Variants in TGFBR2 observed in about 807,000 individuals in gnomAD.
TGFBR2 encodes TGF-beta receptor type-2.
In TGFBR2, 18 loss-of-function variants were observed where a neutral mutation model predicts 49.0. The ratio of observed to expected loss-of-function variants is 0.37; its 90% CI spans 0.25 to 0.54. The LOEUF (loss-of-function observed/expected upper bound fraction) is 0.54. Ranked by LOEUF, TGFBR2 falls within the 20% of genes least tolerant of loss-of-function variation. The probability of loss-of-function intolerance (pLI) is 0.85; values close to 1 mark genes in which losing one functional copy is unlikely to be tolerated. For synonymous variants in TGFBR2, 282 were observed against 275.9 expected (o/e 1.02, Z -0.22); for missense variants, 525 against 722.6 (o/e 0.73, Z 3.13).
chr3:30,632,474 TG>T (rs2125393153), intron 1 of TGFBR2, among the ~76,000 whole-genome samples: 1 of 152,332 alleles, frequency 6.6e-6, no homozygotes, highest in South Asian at 2.1e-4. Context: ...TTGATTCCAT[TG>T]TATATTTGAA....
At chr3:30,665,709 C>T (rs1699231240) in intron 3 of TGFBR2, among the ~76,000 whole-genome samples, 1 of 152,182 alleles carries the variant, frequency 6.6e-6, no homozygotes, top group Admixed American at 6.5e-5. Context: ...TCTAGCAAGT[C>T]CTGGAAAAGA....
chr3:30,688,706 G>A (rs568715451), intron 6 of TGFBR2, among the ~76,000 whole-genome samples, 195 bp downstream of exon 6: 83 of 152,318 alleles, frequency 5.4e-4, no homozygotes, highest in African/African-American at 1.9e-3. Flanking sequence ...CAGCTGATAT[G>A]TACTCTGAGA....
chr3:30,666,751 C>T (rs1187273807), intron 3 of TGFBR2, among the ~76,000 whole-genome samples: 1 of 151,612 alleles, frequency 6.6e-6, no homozygotes, highest in Non-Finnish European at 1.5e-5. Flanking sequence ...AGTAATCCTC[C>T]TGCCTCAGCC....
chr3:30,611,026 GA>G (rs1180867778), intron 1 of TGFBR2, among the ~76,000 whole-genome samples: 2 of 152,182 alleles, frequency 1.3e-5, no homozygotes, highest in Non-Finnish European at 2.9e-5. Flanking sequence ...AACCTGCTTT[GA>G]ATGTCCCAGT....
At chr3:30,652,229 G>GTTT (rs1204611735) in intron 3 of TGFBR2, among the ~76,000 whole-genome samples, 6 of 81,860 alleles carry the variant, frequency 7.3e-5, no homozygotes, top group Admixed American at 3.3e-4. Context: ...TTCTTTTCTG[G>GTTT]TTGTTTTTTT....
intron 2 of TGFBR2, among the ~76,000 whole-genome samples, chr3:30,649,391 T>G (rs1018146102): frequency 8.5e-5 from 13 of 152,154 alleles, no homozygotes; most frequent in Non-Finnish European, 1.8e-4. Flanking sequence ...ATCATGTTGT[T>G]TAAAAATCTA....
At chr3:30,642,347 T>A (rs957169384) in intron 1 of TGFBR2, among the ~76,000 whole-genome samples, 3 of 152,196 alleles carry the variant, frequency 2.0e-5, no homozygotes, top group Non-Finnish European at 4.4e-5. Flanking sequence ...CTGTTTATTG[T>A]GTTTTTTCCA....
In TGFBR2 at chr3:30,644,774, A is replaced by G; in HGVS notation, c.122A>G (p.Asn41Ser). 6.2e-7 allele frequency: 1 copy of G among 1,614,174 alleles called. No homozygotes were observed. The highest frequency in any genetic ancestry group is 8.5e-7 in the Non-Finnish European group (1 of 1,180,004). ...AATAACGACATGATAGTCACTGACA[A>G]CAACGGTGCAGTCAAGTTTCCACAA... ...SVNNDMIVTDNNGAVKFPQLC... is the reference protein window; with the variant it reads ...SVNNDMIVTDSNGAVKFPQLC... Residue 41 changes from asparagine (N) to serine (S), a missense_variant, in exon 2 of 7, where the codon AAC (asparagine) becomes AGC (serine). This residue lies in a region of TGFBR2 where 376 missense variants were observed against 478.2 expected (regional missense o/e 0.79). Transcript: ENST00000295754.
intron 3 of TGFBR2, among the ~76,000 whole-genome samples, chr3:30,658,117 C>T (rs1162324079): frequency 3.3e-5 from 5 of 152,296 alleles, no homozygotes; most frequent in East Asian, 1.9e-4. Context: ...AGTGATTGGA[C>T]GTGGCTGTGT....
At chr3:30,625,123 A>G (rs2125455739) in intron 1 of TGFBR2, among the ~76,000 whole-genome samples, 2 of 152,322 alleles carry the variant, frequency 1.3e-5, no homozygotes, top group African/African-American at 4.8e-5. Flanking sequence ...ATTCCTGTTA[A>G]GGCAGATGTT....
At chr3:30,648,572 A>T (rs892440746) in intron 2 of TGFBR2, among the ~76,000 whole-genome samples, 1 of 152,048 alleles carries the variant, frequency 6.6e-6, no homozygotes, top group African/African-American at 2.4e-5. Flanking sequence ...ATTATACATC[A>T]TTTGTTGTAT....
chr3:30,650,551 T>C (rs1698864472), intron 3 of TGFBR2, 91 bp downstream of exon 3: 2 of 1,331,892 alleles, frequency 1.5e-6, no homozygotes, highest in Non-Finnish European at 2.2e-6. Flanking sequence ...ACATTCCTCC[T>C]GTGGTGGATT....
chr3:30,685,826 A>G (rs1318841786), intron 5 of TGFBR2, among the ~76,000 whole-genome samples: 1 of 152,238 alleles, frequency 6.6e-6, no homozygotes, highest in Non-Finnish European at 1.5e-5. Flanking sequence ...TAGCTTGGTC[A>G]AGGGGACCTT....
intron 3 of TGFBR2, among the ~76,000 whole-genome samples, chr3:30,663,232 A>ATCTGTGTCT (rs2125424587): frequency 6.6e-6 from 1 of 152,344 alleles, no homozygotes; most frequent in African/African-American, 2.4e-5. Context: ...ATACATTCAC[A>ATCTGTGTCT]TATATACATC....
intron 1 of TGFBR2, among the ~76,000 whole-genome samples, chr3:30,607,500 T>C (rs568169919): frequency 7.9e-5 from 12 of 152,342 alleles, no homozygotes; most frequent in African/African-American, 2.9e-4. Context: ...CCGGAGTTTT[T>C]GGAAACAAGT....
intron 3 of TGFBR2, among the ~76,000 whole-genome samples, chr3:30,667,323 C>G (rs1024607545): frequency 6.6e-6 from 1 of 152,192 alleles, no homozygotes; most frequent in Non-Finnish European, 1.5e-5. Flanking sequence ...CCTACACCAA[C>G]AGCTGTTGGG....
intron 2 of TGFBR2, among the ~76,000 whole-genome samples, chr3:30,645,208 T>C (rs1205960339): frequency 6.6e-6 from 1 of 152,130 alleles, no homozygotes; most frequent in Non-Finnish European, 1.5e-5. Context: ...CTCTTTCTTG[T>C]ATCAAGAAGA....
intron 5 of TGFBR2, among the ~76,000 whole-genome samples, chr3:30,685,537 C>G (rs774686446): frequency 5.9e-5 from 9 of 152,200 alleles, no homozygotes; most frequent in Non-Finnish European, 1.3e-4. Flanking sequence ...GTTAAGTGAA[C>G]TTGTATTTCA....
At chr3:30,611,118 A>G (rs1005450300) in intron 1 of TGFBR2, among the ~76,000 whole-genome samples, 1 of 152,100 alleles carries the variant, frequency 6.6e-6, no homozygotes, top group Non-Finnish European at 1.5e-5. Context: ...TCTTTACGTA[A>G]CTCTCTTGCC....
Sources: allele counts gnomAD v4.1 joint callset (sites outside exome capture counted in the v4.1 genomes callset), GRCh38; gene constraint gnomAD v4.1.1; regional missense constraint gnomAD v4.1.1; transcripts MANE v1.5; gene names NCBI Gene and HGNC (gene_info 2026-07-23, HGNC 2026-07-21).